DGLUCY: variants seen among roughly 807,000 people sequenced by gnomAD.
The protein encoded by DGLUCY is D-glutamate cyclase, also known as D-glutamate cyclase, mitochondrial.
A neutral mutation model predicts 58.5 loss-of-function variants in DGLUCY; 58 were observed. The ratio of observed to expected loss-of-function variants is 0.99; its 90% confidence interval spans 0.80 to 1.23. The LOEUF is 1.23. Ranked by LOEUF, DGLUCY falls within the 50% of genes most tolerant of loss-of-function variation. DGLUCY has a pLI of 0.00. For synonymous variants in DGLUCY, 325 were observed against 314.1 expected (o/e 1.03, Z -0.37); for missense variants, 779 against 784.7 (o/e 0.99, Z 0.09).
intron 13 of DGLUCY, 112 bp from the exon 14 acceptor site, chr14:91,224,572 T>A: frequency 1.6e-6 from 2 of 1,269,464 alleles, no homozygotes; most frequent in Non-Finnish European, 1.0e-6. Flanking sequence ...TTTACTTTTT[T>A]AAAAAGCAAG....
chr14:91,142,002 C>T (rs2046719927), intron 1 of DGLUCY, among the ~76,000 whole-genome samples: 1 of 152,022 alleles, frequency 6.6e-6, no homozygotes, highest in Non-Finnish European at 1.5e-5. Flanking sequence ...CGTAGCATCA[C>T]GTCTGGCTAA....
chr14:91,116,153 A>G (rs1286761637), intron 1 of DGLUCY, among the ~76,000 whole-genome samples: 1 of 152,228 alleles, frequency 6.6e-6, no homozygotes, highest in Non-Finnish European at 1.5e-5. Flanking sequence ...GCGATCTGCC[A>G]AGTTGCTAGA....
At chr14:91,159,940 C>T (rs181039403) in intron 2 of DGLUCY, among the ~76,000 whole-genome samples, 7 of 152,208 alleles carry the variant, frequency 4.6e-5, no homozygotes, top group East Asian at 3.9e-4. Flanking sequence ...TAATAGGCCA[C>T]GGTGCCTCCT....
chr14:91,173,482 G>C (rs1260027059), intron 6 of DGLUCY, 43 bp downstream of exon 6: 2 of 1,539,612 alleles, frequency 1.3e-6, no homozygotes, highest in East Asian at 2.3e-5. Context: ...CTGTTCACAT[G>C]GGCAACCCAG....
chr14:91,101,816 T>C (rs2044491599), intron 1 of DGLUCY, among the ~76,000 whole-genome samples: 1 of 152,216 alleles, frequency 6.6e-6, no homozygotes, highest in South Asian at 2.1e-4. Flanking sequence ...CATTTCAGCC[T>C]CTCAAGTGGC....
intron 1 of DGLUCY, among the ~76,000 whole-genome samples, chr14:91,119,622 C>T (rs2045229390): frequency 2.0e-5 from 3 of 152,284 alleles, no homozygotes; most frequent in Middle Eastern, 6.8e-3. Flanking sequence ...GCCTTTTGCC[C>T]TCTCCCTCGG....
intron 9 of DGLUCY, among the ~76,000 whole-genome samples, chr14:91,190,823 G>C (rs534506845): frequency 7.5e-4 from 114 of 152,298 alleles, no homozygotes; most frequent in African/African-American, 2.6e-3. Flanking sequence ...GGGAGCCTGG[G>C]ATTTCTCTGA....
chr14:91,142,313 C>T (rs544874489), intron 1 of DGLUCY, among the ~76,000 whole-genome samples: 35 of 152,264 alleles, frequency 2.3e-4, no homozygotes, highest in African/African-American at 8.4e-4. Context: ...CAGAAATTTG[C>T]ATTTTTGACA....
At chr14:91,213,694 G>GTTTGTTTA (rs1886078188) in intron 12 of DGLUCY, among the ~76,000 whole-genome samples, 1 of 148,892 alleles carries the variant, frequency 6.7e-6, no homozygotes, top group African/African-American at 2.4e-5. Context: ...ACTGAAGATT[G>GTTTGTTTA]TTTGTTTGTT....
chr14:91,062,558 A>AATAT (rs1157690131), intron 1 of DGLUCY, among the ~76,000 whole-genome samples: 11 of 23,686 alleles, frequency 4.6e-4, no homozygotes, highest in African/African-American at 1.9e-3. Flanking sequence ...AAAAAAAAAA[A>AATAT]ATATATATAT....
intron 1 of DGLUCY, among the ~76,000 whole-genome samples, chr14:91,063,212 C>A (rs1430310700): frequency 6.6e-6 from 1 of 151,028 alleles, no homozygotes; most frequent in South Asian, 2.1e-4. Context: ...GCCTGATGTT[C>A]ACCAATCTCA....
intron 1 of DGLUCY, among the ~76,000 whole-genome samples, chr14:91,102,244 G>T (rs1464010143): frequency 1.3e-5 from 2 of 151,874 alleles, no homozygotes; most frequent in African/African-American, 4.8e-5. Flanking sequence ...TGACTTTCAG[G>T]CTCCAATGAA....
intron 1 of DGLUCY, among the ~76,000 whole-genome samples, chr14:91,124,031 G>A (rs1294116314): frequency 2.0e-5 from 3 of 151,142 alleles, no homozygotes; most frequent in East Asian, 1.9e-4. Context: ...GGGTTCAAGC[G>A]ATTTTCCTAC....
chr14:91,157,291 A>T (rs376207329), intron 1 of DGLUCY, among the ~76,000 whole-genome samples: 42 of 141,448 alleles, frequency 3.0e-4, no homozygotes, highest in Non-Finnish European at 2.3e-4. Flanking sequence ...GGGTGGGTGG[A>T]TAGATGGATG....
rs148878710 is a variant in DGLUCY at position 91,145,714 on chromosome 14, A to G, written c.-81-11925A>G. ...GGTGCTCTCTCAGCACTTTACATAC[A>G]TCATCTCCTGGAACTATCCCAAAGC... On this transcript the variant is annotated intron_variant, in intron 1 of 13. Coordinates refer to ENST00000256324, the MANE Select transcript of DGLUCY (RefSeq NM_001102368.3). Among the ~76,000 whole-genome samples the G allele has an allele frequency of 3.2e-3, 492 of 152,144 alleles. 4 individuals carry two copies. Among genetic ancestry groups the G allele is most frequent in the African/African-American group, 9.8e-3 (408 of 41,512 alleles).
intron 1 of DGLUCY, among the ~76,000 whole-genome samples, chr14:91,097,128 G>A (rs1167214103): frequency 6.6e-6 from 1 of 152,248 alleles, no homozygotes; most frequent in African/African-American, 2.4e-5. Context: ...TGGGGGCAGT[G>A]GCTCACGCCT....
intron 1 of DGLUCY, among the ~76,000 whole-genome samples, chr14:91,155,144 T>C (rs77446730): frequency 0.041 from 6,241 of 152,318 alleles, 458 homozygotes; most frequent in African/African-American, 0.14. Flanking sequence ...TTTACTTTTC[T>C]ATCTTTTCCT....
intron 1 of DGLUCY, among the ~76,000 whole-genome samples, chr14:91,061,754 G>T (rs1183662557): frequency 6.6e-6 from 1 of 152,234 alleles, no homozygotes; most frequent in African/African-American, 2.4e-5. Flanking sequence ...AGATACAGCT[G>T]ACAAGGTGAG....
At chr14:91,102,251 T>A (rs2044500466) in intron 1 of DGLUCY, among the ~76,000 whole-genome samples, 1 of 152,156 alleles carries the variant, frequency 6.6e-6, no homozygotes, top group Non-Finnish European at 1.5e-5. Flanking sequence ...CAGGCTCCAA[T>A]GAAGTGATCA....
Sources: allele counts gnomAD v4.1 joint callset (sites outside exome capture counted in the v4.1 genomes callset), GRCh38; gene constraint gnomAD v4.1.1; transcripts MANE v1.5; gene names NCBI Gene and HGNC (gene_info 2026-07-23, HGNC 2026-07-21).